Variants in STAP1 observed in about 807,000 individuals in gnomAD.
STAP1 encodes the protein signal-transducing adaptor protein 1.
Under a neutral mutation model 37.8 loss-of-function variants are expected in STAP1, and 30 were observed. That is an observed-to-expected ratio of 0.79 (90% CI 0.59 to 1.08). The LOEUF is 1.08. STAP1 is among the 50% of genes least tolerant of loss of function. STAP1 has a pLI of 0.00. For synonymous variants in STAP1, 130 were observed against 116.0 expected (o/e 1.12, Z -0.78); for missense variants, 357 against 349.4 (o/e 1.02, Z -0.17).
intron 6 of STAP1, among the ~76,000 whole-genome samples, chr4:67,586,356 C>T (rs1171363492): frequency 6.6e-6 from 1 of 152,108 alleles, no homozygotes; most frequent in Non-Finnish European, 1.5e-5. Context: ...ACTCAGGAGG[C>T]TGAGGTAGGA....
At chr4:67,594,081 C>G (rs1728175083) in intron 8 of STAP1, among the ~76,000 whole-genome samples, 1 of 152,312 alleles carries the variant, frequency 6.6e-6, no homozygotes, top group Non-Finnish European at 1.5e-5. Context: ...AATAGTCTCT[C>G]TCTATCTTAT....
At chr4:67,581,508 T>G in intron 5 of STAP1, 37 bp downstream of exon 5, 1 of 1,564,876 alleles carries the variant, frequency 6.4e-7, no homozygotes, top group Non-Finnish European at 8.6e-7. Context: ...TTCATTCGAT[T>G]GTTAAAACTA....
At chr4:67,590,025 A>G (rs1187443185) in intron 6 of STAP1, among the ~76,000 whole-genome samples, 1 of 152,042 alleles carries the variant, frequency 6.6e-6, no homozygotes, top group East Asian at 1.9e-4. Flanking sequence ...TCTGGTCTCT[A>G]ACTCCTGGGC....
intron 8 of STAP1, among the ~76,000 whole-genome samples, chr4:67,595,518 G>C (rs1728206227): frequency 6.6e-6 from 1 of 152,046 alleles, no homozygotes; most frequent in Admixed American, 6.6e-5. Flanking sequence ...AAGGGCAAGA[G>C]TGAGACCCTT....
chr4:67,570,963 C>A, intron 1 of STAP1, 121 bp from the exon 2 acceptor site: 2 of 802,362 alleles, frequency 2.5e-6, no homozygotes, highest in Admixed American at 2.4e-5. Context: ...TTAGAATTAT[C>A]CAGGATAAAG....
At chr4:67,570,486 TG>T (rs1727578741) in intron 1 of STAP1, among the ~76,000 whole-genome samples, 1 of 152,116 alleles carries the variant, frequency 6.6e-6, no homozygotes, top group Non-Finnish European at 1.5e-5. Flanking sequence ...TTATCTGAAA[TG>T]TTATACTAAA....
chr4:67,583,593 C>A lies in STAP1; in HGVS notation c.550C>A (p.Arg184=). ...PMPACFYTVS[R]KEATEMLQKN... ...CTGTAGATGTTTTTATACAGTGTCC[C>A]GGAAAGAGGCAACTGAGATGCTCCA... The change falls in exon 6 of 9, where the codon CGG becomes AGG. Residue 184 remains arginine, a synonymous_variant. Coordinates refer to ENST00000265404, the MANE Select transcript of STAP1 (RefSeq NM_012108.4). The A allele has an allele frequency of 6.2e-7, 1 of 1,612,300 alleles. No homozygotes were observed.
At chr4:67,590,814 T>C (rs1728103729) in intron 6 of STAP1, 70 bp from the exon 7 acceptor site, 2 of 1,010,138 alleles carry the variant, frequency 2.0e-6, no homozygotes, top group East Asian at 2.6e-5. Flanking sequence ...GGTGATATTT[T>C]ATATTTACTT....
chr4:67,566,460 C>G (rs948051237), intron 1 of STAP1, among the ~76,000 whole-genome samples: 9 of 152,190 alleles, frequency 5.9e-5, no homozygotes, highest in African/African-American at 2.2e-4. Context: ...CATCAAGTCA[C>G]TGACTCAGAT....
chr4:67,572,331 AACAGT>A (rs1266092748), intron 2 of STAP1, among the ~76,000 whole-genome samples: 12 of 152,214 alleles, frequency 7.9e-5, no homozygotes, highest in African/African-American at 2.7e-4. Context: ...CTGAGGTTAA[AACAGT>A]GTTCATTACC....
intron 4 of STAP1, among the ~76,000 whole-genome samples, chr4:67,577,947 C>T (rs1053568773): frequency 6.6e-6 from 1 of 152,050 alleles, no homozygotes; most frequent in Non-Finnish European, 1.5e-5. Flanking sequence ...CTGTGCCCGG[C>T]CTCTGATTTC....
chr4:67,588,020 G>A (rs541648129), intron 6 of STAP1, among the ~76,000 whole-genome samples: 5 of 130,430 alleles, frequency 3.8e-5, no homozygotes, highest in East Asian at 2.2e-4. Context: ...CACCGCACCC[G>A]GCTGGGGACA....
In STAP1 at chr4:67,575,452, G is replaced by A. The variant is rs1727697298; in HGVS notation, c.260G>A (p.Cys87Tyr). Residue 87 changes from cysteine (C) to tyrosine (Y), a missense_variant, in exon 3 of 9, where the codon TGT becomes TAT. Coordinates refer to ENST00000265404, the MANE Select transcript of STAP1 (RefSeq NM_012108.4). ...LTEQNSTEKN[C>Y]AKFTLVLPKE... ...GAGCAGAATTCAACTGAAAAGAACT[G>A]TGCGAAATTCACCCTTGTTTTGCCG... The A allele has an allele frequency of 1.2e-6, 2 of 1,608,972 alleles. No individual in the cohort carries two copies. The highest frequency in any genetic ancestry group is 1.7e-5 in the Admixed American group (1 of 58,554).
intron 4 of STAP1, among the ~76,000 whole-genome samples, chr4:67,578,216 T>C (rs1026055032): frequency 2.0e-5 from 3 of 152,158 alleles, no homozygotes; most frequent in Non-Finnish European, 2.9e-5. Context: ...ACTGTAGCAA[T>C]TGCCTTGGAA....
At chr4:67,599,225 G>A (rs1354799187) in intron 8 of STAP1, among the ~76,000 whole-genome samples, 1 of 152,018 alleles carries the variant, frequency 6.6e-6, no homozygotes, top group Non-Finnish European at 1.5e-5. Flanking sequence ...TAGCACTGCA[G>A]AATGACTTTG....
intron 1 of STAP1, among the ~76,000 whole-genome samples, chr4:67,562,713 A>C (rs1002047040): frequency 1.3e-5 from 2 of 151,966 alleles, no homozygotes; most frequent in Non-Finnish European, 2.9e-5. Context: ...CGGAGCTTGC[A>C]GGGAGCGGAG....
At chr4:67,581,264 A>C (rs745343419) in intron 4 of STAP1, 41 bp from the exon 5 acceptor site, 1 of 1,588,556 alleles carries the variant, frequency 6.3e-7, no homozygotes, top group Non-Finnish European at 8.6e-7. Flanking sequence ...ATAAGTTATT[A>C]AGCTGTTTTC....
intron 1 of STAP1, among the ~76,000 whole-genome samples, chr4:67,561,178 G>A (rs72642306): frequency 0.024 from 3,685 of 152,276 alleles, 67 homozygotes; most frequent in Non-Finnish European, 0.038. Flanking sequence ...AGTGAGCATG[G>A]TGATAATTAG....
chr4:67,559,252 T>C (rs1316630708), intron 1 of STAP1, among the ~76,000 whole-genome samples: 2 of 152,186 alleles, frequency 1.3e-5, no homozygotes, highest in African/African-American at 4.8e-5. Context: ...AAAATGTTTC[T>C]TGTATTTTCT....
Sources: gnomAD v4.1 joint callset for allele counts (sites outside exome capture counted in the v4.1 genomes callset) on GRCh38, gnomAD v4.1.1 for gene constraint, MANE v1.5 for transcripts, NCBI Gene and HGNC (gene_info 2026-07-23, HGNC 2026-07-21) for gene names.